EML4: variants seen among roughly 807,000 people sequenced by gnomAD.
EML4 encodes the protein EMAP like 4, also known as echinoderm microtubule-associated protein-like 4.
EML4 carries 72 observed loss-of-function variants against 129.0 expected under a neutral mutation model. That is an observed-to-expected ratio of 0.56 (90% CI 0.46 to 0.68). The LOEUF is 0.68. Ranked by LOEUF, EML4 falls within the 30% of genes least tolerant of loss-of-function variation. The probability of loss-of-function intolerance (pLI) is 0.00; values close to 1 mark genes in which losing one functional copy is unlikely to be tolerated. For missense variants in EML4, 1,363 were observed against 1,190.6 expected (o/e 1.14, Z -2.13); for synonymous variants, 532 against 405.0 (o/e 1.31, Z -3.77).
intron 11 of EML4, among the ~76,000 whole-genome samples, chr2:42,291,344 C>G (rs1465575949): frequency 6.6e-6 from 1 of 150,486 alleles, no homozygotes; most frequent in Non-Finnish European, 1.5e-5. Flanking sequence ...AAAGTACTAA[C>G]CATAATGGGA....
intron 5 of EML4, among the ~76,000 whole-genome samples, chr2:42,264,202 C>T (rs1261764957): frequency 6.9e-6 from 1 of 144,522 alleles, no homozygotes; most frequent in Admixed American, 7.4e-5. Context: ...CAGCCTTCAC[C>T]TTCCTGGGCT....
At chr2:42,186,424 T>C (rs1291364733) in intron 1 of EML4, among the ~76,000 whole-genome samples, 1 of 152,192 alleles carries the variant, frequency 6.6e-6, no homozygotes, top group Non-Finnish European at 1.5e-5. Context: ...GGGTAGATTA[T>C]GGAATTTGAA....
chr2:42,316,717 A>G (rs541521481), intron 18 of EML4, among the ~76,000 whole-genome samples: 65 of 152,314 alleles, frequency 4.3e-4, no homozygotes, highest in Non-Finnish European at 6.3e-4. Context: ...ATATATGCCA[A>G]TAGTTGTTGC....
chr2:42,266,784 C>T (rs1385658899), intron 6 of EML4, among the ~76,000 whole-genome samples: 1 of 151,938 alleles, frequency 6.6e-6, no homozygotes, highest in Admixed American at 6.6e-5. Flanking sequence ...GACAATGTCT[C>T]TGAGTGGTTT....
At chr2:42,260,284 C>G (rs539941141) in intron 3 of EML4, among the ~76,000 whole-genome samples, 4 of 152,332 alleles carry the variant, frequency 2.6e-5, no homozygotes, top group Admixed American at 1.3e-4. Context: ...TCTCCTGCCT[C>G]AGCCTCCCGA....
chr2:42,206,167 C>T (rs1040138730), intron 1 of EML4, among the ~76,000 whole-genome samples: 1 of 152,142 alleles, frequency 6.6e-6, no homozygotes, highest in Non-Finnish European at 1.5e-5. Context: ...AGCATTCCCC[C>T]CCTCTGGTCC....
At position 42,286,212 on chromosome 2, in the gene EML4, A is replaced by G. The variant is rs561712773; in HGVS notation, c.1012-57A>G. ...TTAAATGGCATTAGTTCTGTGTGCT[A>G]TTGGTGTTTATTTGCATCCACCTGT... On this transcript the variant is annotated intron_variant, in intron 9 of 22. Coordinates refer to ENST00000318522, the MANE Select transcript of EML4 (RefSeq NM_019063.5). 168 of 928,034 alleles carry G rather than the reference A, an allele frequency of 1.8e-4. No homozygotes were observed. The African/African-American group carries it at 2.0e-3, about 11-fold the overall frequency. The allele number at this position is 928,034 out of a possible 1,614,324, so 57.5% of individuals were successfully genotyped here. A position where few individuals can be genotyped will look rare whatever the true frequency, so the allele number is the denominator to read the frequency against.
At chr2:42,176,832 C>T (rs549476234) in intron 1 of EML4, among the ~76,000 whole-genome samples, 6 of 151,986 alleles carry the variant, frequency 3.9e-5, no homozygotes, top group South Asian at 2.1e-4. Context: ...TTTGCTTTGT[C>T]GCCCAGGCTG....
intron 1 of EML4, among the ~76,000 whole-genome samples, chr2:42,236,735 T>G (rs529020050): frequency 6.6e-6 from 1 of 152,294 alleles, no homozygotes; most frequent in African/African-American, 2.4e-5. Flanking sequence ...GCCAAGGTTT[T>G]TTTTCCCCCT....
chr2:42,295,329 T>C (rs1667881186), intron 12 of EML4, 52 bp from the exon 13 acceptor site: 1 of 1,604,290 alleles, frequency 6.2e-7, no homozygotes, highest in South Asian at 1.1e-5. Context: ...TTAATAAGCA[T>C]CAAGTTGTCA....
intron 5 of EML4, among the ~76,000 whole-genome samples, chr2:42,263,710 G>C (rs1665877644): frequency 6.6e-6 from 1 of 150,758 alleles, no homozygotes; most frequent in African/African-American, 2.4e-5. Context: ...GCCTTGGTTT[G>C]AATCTTTTTA....
At chr2:42,263,491 G>A (rs1477652917) in intron 5 of EML4, among the ~76,000 whole-genome samples, 185 bp downstream of exon 5, 2 of 129,268 alleles carry the variant, frequency 1.5e-5, no homozygotes, top group Non-Finnish European at 3.1e-5. Flanking sequence ...TGCAGCCTCT[G>A]CCTCCCAGGT....
At chr2:42,237,812 C>G (rs905719804) in intron 1 of EML4, among the ~76,000 whole-genome samples, 3 of 152,206 alleles carry the variant, frequency 2.0e-5, no homozygotes, top group African/African-American at 7.2e-5. Flanking sequence ...AGACCTTCCT[C>G]TTCGTCATCT....
intron 1 of EML4, among the ~76,000 whole-genome samples, chr2:42,205,841 AG>A (rs1337968389): frequency 6.6e-6 from 1 of 152,210 alleles, no homozygotes; most frequent in Non-Finnish European, 1.5e-5. Context: ...CTGTGTTAAC[AG>A]ACTATGTAGT....
At chr2:42,205,484 G>C (rs949140441) in intron 1 of EML4, among the ~76,000 whole-genome samples, 1 of 150,624 alleles carries the variant, frequency 6.6e-6, no homozygotes, top group African/African-American at 2.4e-5. Context: ...TGAATTAAAT[G>C]CCCCTGCCCT....
Position 42,280,853 on chromosome 2 carries a change from G to A in EML4, c.671G>A (p.Gly224Glu). Reference sequence around the variant, plus strand: ...CTTTTGTCTTGTGTTTCAACAGAAGGAGAATATATTAAAATGTTTATGCGC... The same window carrying A: ...CTTTTGTCTTGTGTTTCAACAGAAGAAGAATATATTAAAATGTTTATGCGC... ...KHKDVIINQE[G>E]EYIKMFMRGR... Residue 224 changes from glycine (G) to glutamate (E), a missense_variant, in exon 7 of 23, where the codon GGA becomes GAA. Coordinates refer to ENST00000318522, the MANE Select transcript of EML4 (RefSeq NM_019063.5). The A allele has an allele frequency of 1.9e-6, 3 of 1,606,032 alleles. No homozygotes were observed. Among genetic ancestry groups the A allele is most frequent in the South Asian group, 1.1e-5 (1 of 89,346 alleles).
intron 18 of EML4, among the ~76,000 whole-genome samples, 177 bp from the exon 19 acceptor site, chr2:42,317,250 G>A (rs1669291557): frequency 6.6e-6 from 1 of 152,214 alleles, no homozygotes; most frequent in African/African-American, 2.4e-5. Context: ...AGAAGGGATT[G>A]TGTATTAGAC....
At chr2:42,317,347 C>G (rs1669294779) in intron 18 of EML4, 80 bp from the exon 19 acceptor site, 3 of 919,040 alleles carry the variant, frequency 3.3e-6, no homozygotes, top group Admixed American at 2.3e-5. Context: ...GATTTAACAG[C>G]ATTTGTAAAA....
At chr2:42,212,873 C>T (rs1332819131) in intron 1 of EML4, among the ~76,000 whole-genome samples, 10 of 152,190 alleles carry the variant, frequency 6.6e-5, no homozygotes, top group African/African-American at 1.9e-4. Context: ...TGATAAAGCA[C>T]TTGACTAAGA....
Sources: allele counts gnomAD v4.1 joint callset (sites outside exome capture counted in the v4.1 genomes callset), GRCh38; gene constraint gnomAD v4.1.1; transcripts MANE v1.5; gene names NCBI Gene and HGNC (gene_info 2026-07-23, HGNC 2026-07-21).